Variants in DMD observed in about 807,000 individuals in gnomAD.
The protein encoded by DMD is mutant dystrophin.
Under a neutral mutation model 330.1 loss-of-function variants are expected in DMD, and 63 were observed. That is an observed-to-expected ratio of 0.19 (90% CI 0.16 to 0.24). The LOEUF (loss-of-function observed/expected upper bound fraction) is 0.24. DMD is among the 10% of genes least tolerant of loss of function. The pLI is 1.00. For missense variants in DMD, 3,344 were observed against 2,684.1 expected (o/e 1.25, Z -5.43); for synonymous variants, 1,223 against 959.8 (o/e 1.27, Z -5.07).
chrX:31,586,555 T>G (rs772407374), intron 55 of DMD, among the ~76,000 whole-genome samples: 1 of 112,757 alleles, frequency 8.9e-6, no homozygotes, highest in South Asian at 3.6e-4. Context: ...ATGAAAATGT[T>G]GCCCTTTAAA....
chrX:32,686,467 G>A (rs998723570), intron 9 of DMD, among the ~76,000 whole-genome samples: 7 of 104,926 alleles, frequency 6.7e-5, no homozygotes, highest in Non-Finnish European at 1.2e-4. Context: ...GCTGAGGCAG[G>A]AGAGTTGCTT....
rs748144308 is a variant in DMD at position 31,273,150 on chromosome X, TAAA to T, written c.9225-12137_9225-12135del. Among the ~76,000 whole-genome samples the T allele has an allele frequency of 3.5e-3, 387 of 112,007 alleles. 4 individuals carry two copies. The highest frequency in any genetic ancestry group is 0.011 in the African/African-American group (351 of 30,849). ...CAAGGATAGATGTTTGGTTGAACAT[TAAA>T]AAAAATCAACGCAGCTTTAGTTCTT... On this transcript the variant is annotated intron_variant, in intron 62 of 78. Transcript: ENST00000357033.
chrX:31,912,528 TAA>T (rs1192355402), intron 47 of DMD, among the ~76,000 whole-genome samples: 1 of 112,029 alleles, frequency 8.9e-6, no homozygotes, highest in Non-Finnish European at 1.9e-5. Flanking sequence ...GCTACAGGAA[TAA>T]ACACACTTAT....
At chrX:32,707,196 A>G (rs1184847489) in intron 7 of DMD, among the ~76,000 whole-genome samples, 1 of 112,364 alleles carries the variant, frequency 8.9e-6, no homozygotes, top group Non-Finnish European at 1.9e-5. Flanking sequence ...TTAGACTTTA[A>G]TAATACAATG....
chrX:31,418,592 G>A (rs1222325538), intron 60 of DMD, among the ~76,000 whole-genome samples: 3 of 112,007 alleles, frequency 2.7e-5, no homozygotes, highest in African/African-American at 9.7e-5. Context: ...ATGACTCCAT[G>A]CGCACCAATA....
At chrX:33,079,616 C>T (rs112485416) in intron 1 of DMD, among the ~76,000 whole-genome samples, 2,674 of 111,129 alleles carry the variant, frequency 0.024, 86 homozygotes, top group African/African-American at 0.084. Flanking sequence ...ATGCAAAATA[C>T]GCCAAATGTC....
chrX:32,594,241 C>G (rs1336552372), intron 13 of DMD, among the ~76,000 whole-genome samples: 1 of 111,691 alleles, frequency 9.0e-6, no homozygotes, highest in Admixed American at 9.5e-5. Flanking sequence ...ATGGGGACTT[C>G]CCTTCCTACT....
At chrX:31,836,887 A>T in intron 48 of DMD, 68 bp from the exon 49 acceptor site, 1 of 944,089 alleles carries the variant, frequency 1.1e-6, no homozygotes. Context: ...AAATTTAAAT[A>T]TACCCTTGGA....
intron 63 of DMD, among the ~76,000 whole-genome samples, chrX:31,255,036 T>C (rs1603237232): frequency 1.1e-5 from 1 of 92,847 alleles, no homozygotes. Context: ...CAGAGCAAGA[T>C]GCTGTCAAAA....
intron 1 of DMD, among the ~76,000 whole-genome samples, chrX:33,301,072 A>C (rs2053654366): frequency 9.0e-6 from 1 of 111,704 alleles, no homozygotes; most frequent in Admixed American, 9.6e-5. Flanking sequence ...GCATGAAGCC[A>C]AAGGCAGAAT....
chrX:31,951,155 A>G (rs1218526738), intron 45 of DMD, among the ~76,000 whole-genome samples: 5 of 84,366 alleles, frequency 5.9e-5, no homozygotes, highest in African/African-American at 1.0e-4. Context: ...ATATATATAT[A>G]TATGTATATA....
intron 1 of DMD, among the ~76,000 whole-genome samples, chrX:33,168,645 A>G (rs2049180772): frequency 1.8e-5 from 2 of 110,533 alleles, no homozygotes; most frequent in African/African-American, 3.3e-5. Flanking sequence ...GAAAATTAGA[A>G]AAATATTGAA....
At chrX:32,429,387 G>GTTTTTTTTTGTTTTTTTTTTTTT (rs2098227559) in intron 29 of DMD, among the ~76,000 whole-genome samples, 1 of 44,197 alleles carries the variant, frequency 2.3e-5, no homozygotes, top group African/African-American at 1.1e-4. Context: ...TTTTTTTTGG[G>GTTTTTTTTTGTTTTTTTTTTTTT]TTTTTTTTTT....
In DMD at chrX:31,966,224, G is replaced by A. The variant is rs757216798; in HGVS notation, c.6614+2115C>T. On this transcript the variant is annotated intron_variant, in intron 45 of 78. Coordinates refer to ENST00000357033, the MANE Select transcript of DMD (RefSeq NM_004006.3). ...TACACTATTGATTAGCAATAGGTTCGTGATTACAGCCCTTCTATAATTAAT... is the reference window on the plus strand; with the variant it reads ...TACACTATTGATTAGCAATAGGTTCATGATTACAGCCCTTCTATAATTAAT... Among the ~76,000 whole-genome samples the A allele has an allele frequency of 5.1e-5, 5 of 97,596 alleles. No homozygotes were observed. The South Asian group carries it at 1.6e-3, about 31-fold the overall frequency. The allele number at this position is 97,596 out of a possible 115,157, so 84.8% of individuals were successfully genotyped here. A position where few individuals can be genotyped will look rare whatever the true frequency, so the allele number is the denominator to read the frequency against.
chrX:32,102,549 T>G (rs1327163910), intron 44 of DMD, among the ~76,000 whole-genome samples: 1 of 110,926 alleles, frequency 9.0e-6, no homozygotes, highest in African/African-American at 3.3e-5. Flanking sequence ...AAATATTATA[T>G]CTATAATATT....
intron 2 of DMD, among the ~76,000 whole-genome samples, chrX:32,964,479 G>T (rs920148637): frequency 1.8e-5 from 2 of 110,278 alleles, no homozygotes; most frequent in East Asian, 5.7e-4. Flanking sequence ...AAGCAAAGGT[G>T]GGTGGATCAC....
At chrX:32,852,427 G>T (rs1390200412) in intron 2 of DMD, among the ~76,000 whole-genome samples, 6 of 111,091 alleles carry the variant, frequency 5.4e-5, no homozygotes, top group Non-Finnish European at 1.1e-4. Context: ...GTAAGACTCA[G>T]AGCCATGCTG....
chrX:32,764,920 A>C (rs2072776996), intron 7 of DMD, among the ~76,000 whole-genome samples: 1 of 107,540 alleles, frequency 9.3e-6, no homozygotes, highest in African/African-American at 3.4e-5. Flanking sequence ...ACAAGTGTTC[A>C]AATTTTTCCA....
chrX:32,595,891 G>GTTTTTTTT lies in DMD; in HGVS notation c.1483-16_1483-15insAAAAAAAA. The GTTTTTTTT allele has an allele frequency of 8.5e-7, 1 of 1,171,218 alleles. No homozygotes were observed. The highest frequency in any genetic ancestry group is 1.2e-6 in the Non-Finnish European group (1 of 859,275). ...TCTTGAAGCACCTGAAAGATAAAAT[G>GTTTTTTTT]TTTTAAAGGAAATTAAAATGATATT... is the stretch of plus-strand genomic sequence containing the variant. On this transcript the variant is annotated splice_polypyrimidine_tract_variant and intron_variant, in intron 12 of 78. Coordinates refer to ENST00000357033, the MANE Select transcript of DMD (RefSeq NM_004006.3).
Sources: allele counts gnomAD v4.1 joint callset (sites outside exome capture counted in the v4.1 genomes callset), GRCh38; gene constraint gnomAD v4.1.1; transcripts MANE v1.5; gene names NCBI Gene and HGNC (gene_info 2026-07-23, HGNC 2026-07-21).